The following IL6R variants were observed in gnomAD, a reference collection of about 807,000 sequenced individuals.
IL6R encodes the protein interleukin-6 receptor subunit alpha.
A neutral mutation model predicts 48.3 loss-of-function variants in IL6R; 38 were observed. The observed-to-expected ratio is 0.79, with a 90% CI of 0.61 to 1.03. The LOEUF is 1.03. IL6R is among the 50% of genes least tolerant of loss of function. The pLI is 0.00. For missense variants in IL6R, 534 were observed against 618.3 expected (o/e 0.86, Z 1.45); for synonymous variants, 264 against 256.2 (o/e 1.03, Z -0.29).
At chr1:154,413,008 CT>C (rs1338006987) in intron 1 of IL6R, among the ~76,000 whole-genome samples, 80 of 144,606 alleles carry the variant, frequency 5.5e-4, no homozygotes, top group South Asian at 6.5e-4. Context: ...GGTTCCCCCC[CT>C]TTTTTTTTTT....
At chr1:154,420,511 T>TTTATTTATTTATTTA (rs1553304886) in intron 1 of IL6R, among the ~76,000 whole-genome samples, 3 of 147,776 alleles carry the variant, frequency 2.0e-5, no homozygotes, top group African/African-American at 7.6e-5. Flanking sequence ...CTTTATTTTA[T>TTTATTTATTTATTTA]TTTATTTATT....
At chr1:154,441,428 G>A (rs114660934) in intron 6 of IL6R, among the ~76,000 whole-genome samples, 4,187 of 152,202 alleles carry the variant, frequency 0.028, 88 homozygotes, top group Non-Finnish European at 0.043. Context: ...AAGACTTTGA[G>A]CCCTCCACCC....
rs1414212960 is a variant in IL6R, at chr1:154,460,180, TAA to T, written c.1161-4951_1161-4950del. Among the ~76,000 whole-genome samples, 3 of 152,322 alleles carry T rather than the reference TAA, an allele frequency of 2.0e-5. No homozygotes were observed. The East Asian group carries it at 5.8e-4, about 29-fold the overall frequency. ...TTGAAGCCCAAATATGTAAAATAGA[TAA>T]AAGGTGGAGGTCAAGGTGCAAAAGA... is the stretch of plus-strand genomic sequence containing the variant. On this transcript the variant is annotated intron_variant, in intron 9 of 9. Transcript: ENST00000368485.
chr1:154,465,255 A>T lies in IL6R; in HGVS notation c.1282A>T (p.Ile428Phe). 6.2e-7 allele frequency: 1 copy of T among 1,614,004 alleles called. No homozygotes were observed. Among genetic ancestry groups the T allele is most frequent in the Non-Finnish European group, 8.5e-7 (1 of 1,179,988 alleles). ...ACCCACCCCAGTGCTTGTTCCTCTC[A>T]TCTCCCCACCGGTGTCCCCCAGCAG... is the stretch of plus-strand genomic sequence containing the variant. ...PRPTPVLVPLISPPVSPSSLG... is the reference protein window; with the variant it reads ...PRPTPVLVPLFSPPVSPSSLG... Residue 428 changes from isoleucine (I) to phenylalanine (F), a missense_variant, in exon 10 of 10, where the codon ATC becomes TTC. Transcript: ENST00000368485.
chr1:154,405,858 G>C lies in IL6R; in HGVS notation c.85+144G>C. 3 of 648,988 alleles carry C rather than the reference G, an allele frequency of 4.6e-6. No individual in the cohort carries two copies. Among genetic ancestry groups the C allele is most frequent in the South Asian group, 4.1e-5 (2 of 49,192 alleles). The allele number at this position is 648,988 out of a possible 1,614,324, so 40.2% of individuals were successfully genotyped here. On this transcript the variant is annotated intron_variant, in intron 1 of 9. Transcript: ENST00000368485. This position sits in a 1 kb window ranked among gnomAD's most constrained non-coding sequence, Gnocchi z 5.2. ...TCTGTGGCTGCCTTGAGGCCCCGCG[G>C]GTACCTAGCTGTGTGGTCGCGGGTA...
chr1:154,436,093 T>C lies in IL6R; in HGVS notation c.932T>C (p.Met311Thr), dbSNP rs757508163. The change falls in exon 6 of 10, where the codon ATG becomes ACG. Residue 311 changes from methionine (M) to threonine (T), a missense_variant. Coordinates refer to ENST00000368485, the MANE Select transcript of IL6R (RefSeq NM_000565.4). ...TGGAGCGAGTGGAGCCCGGAGGCCA[T>C]GGGCACGCCTTGGACAGGTACTGCG... ...GEWSEWSPEA[M>T]GTPWTESRSP... 4.6e-5 allele frequency: 74 copies of C among 1,612,048 alleles called. No individual in the cohort carries two copies. The East Asian group carries it at 1.6e-3, about 35-fold the overall frequency.
Position 154,465,380 on chromosome 1 carries a change from G to A in IL6R, c.1407G>A (p.Ter469=). Reference sequence around the variant, plus strand: ...ATACAGACTACTTCTTCCCCAGATAGCTGGCTGGGTGGCACCAGCAGCCTG... The same window carrying A: ...ATACAGACTACTTCTTCCCCAGATAACTGGCTGGGTGGCACCAGCAGCCTG... ...ISNTDYFFPR[*] is the part of the protein sequence containing the mutation. Residue 469 remains the stop codon, a stop_retained_variant, in exon 10 of 10, where the codon TAG becomes TAA. Transcript: ENST00000368485. The A allele has an allele frequency of 6.2e-7, 1 of 1,614,082 alleles. No homozygotes were observed. Among genetic ancestry groups the A allele is most frequent in the African/African-American group, 1.3e-5 (1 of 75,058 alleles).
chr1:154,463,157 T>G (rs1227910478), intron 9 of IL6R, among the ~76,000 whole-genome samples: 37 of 17,478 alleles, frequency 2.1e-3, no homozygotes, highest in Non-Finnish European at 3.4e-3. Context: ...CATAAAGGGT[T>G]TTTTTTTTTT....
chr1:154,417,529 C>T (rs1200195465), intron 1 of IL6R, among the ~76,000 whole-genome samples: 5 of 152,116 alleles, frequency 3.3e-5, no homozygotes, highest in Non-Finnish European at 5.9e-5. Context: ...ATTTCTCTAT[C>T]TGCTCCTGGG....
chr1:154,452,392 T>A (rs989118871), intron 8 of IL6R, among the ~76,000 whole-genome samples: 4 of 152,172 alleles, frequency 2.6e-5, no homozygotes, highest in Admixed American at 2.6e-4. Context: ...CCTCCACACA[T>A]GCTCTACCTC....
At chr1:154,426,865 G>T (rs1291123884) in intron 1 of IL6R, among the ~76,000 whole-genome samples, 1 of 152,090 alleles carries the variant, frequency 6.6e-6, no homozygotes, top group Non-Finnish European at 1.5e-5. Context: ...CCTCTGGGCA[G>T]TAGCAGTCCA....
chr1:154,441,510 C>T (rs1258128272), intron 6 of IL6R, among the ~76,000 whole-genome samples: 1 of 152,158 alleles, frequency 6.6e-6, no homozygotes, highest in African/African-American at 2.4e-5. Flanking sequence ...AAGAAACCTG[C>T]TGCTCCCCTC....
In IL6R at chr1:154,465,338, C is replaced by G. The variant is rs201626760; in HGVS notation, c.1365C>G (p.Ser455Arg). 6 of 1,614,184 alleles carry G rather than the reference C, an allele frequency of 3.7e-6. No homozygotes were observed. The highest frequency in any genetic ancestry group is 2.7e-5 in the African/African-American group (2 of 75,036). The change falls in exon 10 of 10, where the codon AGC becomes AGG. Residue 455 changes from serine (S) to arginine (R), a missense_variant. Transcript: ENST00000368485. ...GACCAGATGCCAGGGACCCACGGAG[C>G]CCTTATGACATCAGCAATACAGACT... is the stretch of plus-strand genomic sequence containing the variant. ...HNRPDARDPR[S>R]PYDISNTDYF...
At chr1:154,458,667 A>G (rs1211668237) in intron 9 of IL6R, among the ~76,000 whole-genome samples, 3 of 152,138 alleles carry the variant, frequency 2.0e-5, no homozygotes, top group Admixed American at 6.6e-5. Context: ...TTGGGAGGCC[A>G]AGGCAAGTGG....
At chr1:154,414,936 G>A in intron 1 of IL6R, 2 of 1,137,178 alleles carry the variant, frequency 1.8e-6, no homozygotes, top group Admixed American at 2.0e-5. Flanking sequence ...AGGAGGGGAT[G>A]TCCTCGCATA....
intron 6 of IL6R, among the ~76,000 whole-genome samples, chr1:154,442,633 C>T (rs938351604): frequency 1.3e-5 from 2 of 152,172 alleles, no homozygotes; most frequent in East Asian, 1.9e-4. Flanking sequence ...GTTGGGGGTC[C>T]CAGGGTCACT....
At chr1:154,436,872 T>C (rs887699276) in intron 6 of IL6R, among the ~76,000 whole-genome samples, 1 of 152,202 alleles carries the variant, frequency 6.6e-6, no homozygotes, top group African/African-American at 2.4e-5. Context: ...CAGAAAGATA[T>C]GAAGAATAAT....
At position 154,435,951 on chromosome 1, in the gene IL6R, C is replaced by T; in HGVS notation, c.808-18C>T. On this transcript the variant is annotated intron_variant, in intron 5 of 9. Coordinates refer to ENST00000368485, the MANE Select transcript of IL6R (RefSeq NM_000565.4). ...CATCCTGGATACCTCCCCAGAGTCA[C>T]CGTGCCCCCGCCCTCAGGTCAAGGA... 1 of 1,585,954 alleles carries T rather than the reference C, an allele frequency of 6.3e-7. No homozygotes were observed.
At chr1:154,418,408 T>C in intron 1 of IL6R, 1 of 984,738 alleles carries the variant, frequency 1.0e-6, no homozygotes, top group Non-Finnish European at 1.2e-6. Context: ...GTCCATCGTG[T>C]GGATGGGAGG....
Sources: allele counts gnomAD v4.1 joint callset (sites outside exome capture counted in the v4.1 genomes callset), GRCh38; gene constraint gnomAD v4.1.1; non-coding constraint Gnocchi (gnomAD v3.1); transcripts MANE v1.5; gene names NCBI Gene and HGNC (gene_info 2026-07-23, HGNC 2026-07-21).